Variants in PBX1 observed in about 807,000 individuals in gnomAD.
PBX1 encodes PBX homeobox 1.
Under a neutral mutation model 53.4 loss-of-function variants are expected in PBX1, and 6 were observed. That is an observed-to-expected ratio of 0.11 (90% CI 0.06 to 0.22). PBX1 has a LOEUF of 0.22. Among genes scored for constraint, PBX1 ranks in the 10% least tolerant of loss-of-function variants. The pLI, the probability that PBX1 is intolerant of heterozygous loss-of-function variation, is 1.00. For missense variants in PBX1, 251 were observed against 551.4 expected, an observed-to-expected ratio of 0.46 and a Z score of 5.46; for synonymous variants, 204 against 212.3, an observed-to-expected ratio of 0.96 and a Z score of 0.34.
At chr1:164,630,788 C>G (rs538713167) in intron 2 of PBX1, among the ~76,000 whole-genome samples, 1 of 152,344 alleles carries the variant, frequency 6.6e-6, no homozygotes, top group East Asian at 1.9e-4. Context: ...CAATTACTGT[C>G]TTGTGCAATC....
At chr1:164,691,821 T>A (rs917508978) in intron 2 of PBX1, among the ~76,000 whole-genome samples, 2 of 152,236 alleles carry the variant, frequency 1.3e-5, no homozygotes, top group Non-Finnish European at 2.9e-5. Context: ...CTCCCAAATC[T>A]GAGAATTTTT....
intron 2 of PBX1, among the ~76,000 whole-genome samples, chr1:164,861,812 G>A (rs1672105200): frequency 6.6e-6 from 1 of 152,182 alleles, no homozygotes; most frequent in African/African-American, 2.4e-5. Context: ...AGTATTCCAG[G>A]CAGAGAACAG....
intron 2 of PBX1, among the ~76,000 whole-genome samples, chr1:164,633,252 C>A (rs1658525765): frequency 6.6e-6 from 1 of 151,850 alleles, no homozygotes; most frequent in Non-Finnish European, 1.5e-5. Context: ...TGGGTTCAAG[C>A]AATTCTCCTG....
At chr1:164,752,206 T>TTCTGTGTGTGTG (rs1553240571) in intron 2 of PBX1, among the ~76,000 whole-genome samples, 13 of 143,126 alleles carry the variant, frequency 9.1e-5, no homozygotes, top group African/African-American at 3.4e-4. Flanking sequence ...CTTTAAGGTT[T>TTCTGTGTGTGTG]TGTGTGTGTG....
intron 2 of PBX1, chr1:164,590,584 T>C: frequency 4.7e-6 from 2 of 422,082 alleles, no homozygotes; most frequent in Non-Finnish European, 4.8e-6. Flanking sequence ...ATCTATTGCC[T>C]TTTCCTCCCC....
At chr1:164,720,637 A>G (rs1161578255) in intron 2 of PBX1, among the ~76,000 whole-genome samples, 1 of 152,210 alleles carries the variant, frequency 6.6e-6, no homozygotes, top group Non-Finnish European at 1.5e-5. Context: ...ATCTGCTGAC[A>G]TAAACAGAAG....
chr1:164,792,839 G>C (rs1558011009), intron 3 of PBX1, 101 bp downstream of exon 3: 1 of 892,918 alleles, frequency 1.1e-6, no homozygotes, highest in Non-Finnish European at 1.7e-6. Flanking sequence ...ACCTTTCCCA[G>C]GTGCTGGCAT....
intron 2 of PBX1, among the ~76,000 whole-genome samples, chr1:164,791,830 G>C (rs948421708): frequency 6.6e-6 from 1 of 151,684 alleles, no homozygotes; most frequent in South Asian, 2.1e-4. Flanking sequence ...TACCTTTTTG[G>C]GGGGTGGGGG....
intron 2 of PBX1, among the ~76,000 whole-genome samples, chr1:164,586,908 C>T (rs1275722556): frequency 1.3e-5 from 2 of 152,056 alleles, no homozygotes; most frequent in Non-Finnish European, 2.9e-5. Flanking sequence ...AGGTTATCTG[C>T]CCACAGAGAG....
chr1:164,788,919 A>G (rs933202746), intron 2 of PBX1, among the ~76,000 whole-genome samples: 5 of 152,144 alleles, frequency 3.3e-5, no homozygotes, highest in African/African-American at 9.7e-5. Context: ...AACTAAGTCT[A>G]TTAACTCATA....
In PBX1 at chr1:164,846,869, C is replaced by A; in HGVS notation, c.*193C>A. On this transcript the variant is annotated 3_prime_UTR_variant, in exon 9 of 9. Transcript: ENST00000420696. ...CTGGACACTTCTTTATACTCTCTTC[C>A]CTTTTTTTTCTGGGTAGAAGCCACC... The A allele has an allele frequency of 7.1e-7, 1 of 1,406,588 alleles. No homozygotes were observed. The highest frequency in any genetic ancestry group is 9.2e-7 in the Non-Finnish European group (1 of 1,081,536). 87.1% of individuals were successfully genotyped at this position (1,406,588 alleles called of 1,614,324 possible). A position where few individuals can be genotyped will look rare whatever the true frequency, so the allele number is the denominator to read the frequency against.
chr1:164,562,435 C>A (rs1165784472), intron 1 of PBX1, among the ~76,000 whole-genome samples: 1 of 143,806 alleles, frequency 7.0e-6, no homozygotes, highest in Non-Finnish European at 1.5e-5. Flanking sequence ...TGTTTTGTTC[C>A]TCAAGTGCAT....
intron 2 of PBX1, among the ~76,000 whole-genome samples, chr1:164,623,888 G>A (rs1326733668): frequency 6.6e-6 from 1 of 152,188 alleles, no homozygotes; most frequent in Non-Finnish European, 1.5e-5. Flanking sequence ...GTAATGGACT[G>A]TGACAACAAG....
At chr1:164,638,693 A>G (rs930088226) in intron 2 of PBX1, among the ~76,000 whole-genome samples, 2 of 152,186 alleles carry the variant, frequency 1.3e-5, no homozygotes, top group East Asian at 3.9e-4. Context: ...AAGGCAGGTG[A>G]TCCCTGCTGG....
rs751335822 is a variant in PBX1 at position 164,849,331 on chromosome 1, T to C, written c.*2655T>C. On this transcript the variant is annotated 3_prime_UTR_variant, in exon 9 of 9. Coordinates refer to ENST00000420696, the MANE Select transcript of PBX1 (RefSeq NM_002585.4). The stretch of plus-strand genomic sequence containing the variant: ...AACCAGCATTTCACTTAGTCTTCTC[T>C]ATACCCAGCACCTCCCCCGGCACCC... 5.5e-5 allele frequency: 85 copies of C among 1,535,688 alleles called. No individual in the cohort carries two copies. Among genetic ancestry groups the C allele is most frequent in the Non-Finnish European group, 6.8e-5 (78 of 1,146,784 alleles).
intron 3 of PBX1, among the ~76,000 whole-genome samples, chr1:164,797,581 A>G (rs1471634313): frequency 6.6e-6 from 1 of 152,128 alleles, no homozygotes; most frequent in Non-Finnish European, 1.5e-5. Flanking sequence ...CCGATCTTCT[A>G]TGGATTTGTC....
intron 4 of PBX1, among the ~76,000 whole-genome samples, chr1:164,802,742 G>A (rs1220799764): frequency 3.3e-5 from 5 of 151,416 alleles, no homozygotes; most frequent in African/African-American, 1.2e-4. Context: ...TACCACGGAA[G>A]TTTAACTTAA....
chr1:164,611,015 T>G (rs1197766374), intron 2 of PBX1, among the ~76,000 whole-genome samples: 1 of 152,224 alleles, frequency 6.6e-6, no homozygotes, highest in East Asian at 1.9e-4. Context: ...TGCCAGCACT[T>G]TGTCCTTTGG....
rs1303668649 is a variant in PBX1, at chr1:164,850,760, C to G, written c.*4084C>G. The G allele has an allele frequency of 9.8e-6, 2 of 204,320 alleles. No individual in the cohort carries two copies. The highest frequency in any genetic ancestry group is 2.3e-5 in the African/African-American group (1 of 43,720). 12.7% of individuals were successfully genotyped at this position (204,320 alleles called of 1,614,324 possible). ...TGAGAAAAATAAAATCAGGGACATA[C>G]TTCTCCTTTTAGCCTTTTAAAAATT... On this transcript the variant is annotated 3_prime_UTR_variant, in exon 9 of 9. Coordinates refer to ENST00000420696, the MANE Select transcript of PBX1 (RefSeq NM_002585.4).
Sources: allele counts gnomAD v4.1 joint callset (sites outside exome capture counted in the v4.1 genomes callset), GRCh38; gene constraint gnomAD v4.1.1; transcripts MANE v1.5; gene names NCBI Gene and HGNC (gene_info 2026-07-23, HGNC 2026-07-21).